The following METTL23 variants were observed in gnomAD, a reference collection of about 807,000 sequenced individuals.
The protein encoded by METTL23 is methyltransferase 23, arginine, also known as histone-arginine methyltransferase METTL23.
Under a neutral mutation model 21.2 loss-of-function variants are expected in METTL23, and 24 were observed. The observed-to-expected ratio is 1.13, with a 90% CI of 0.82 to 1.59. The LOEUF (loss-of-function observed/expected upper bound fraction) is 1.59. METTL23 is among the 40% of genes most tolerant of loss of function. The pLI is 0.00. For missense variants in METTL23, 276 were observed against 221.4 expected (o/e 1.25, Z -1.57); for synonymous variants, 97 against 75.2 (o/e 1.29, Z -1.50).
chr17:76,729,118 TCTCA>T (rs756175939), intron 1 of METTL23, among the ~76,000 whole-genome samples: 2 of 150,300 alleles, frequency 1.3e-5, no homozygotes, highest in African/African-American at 4.9e-5. Flanking sequence ...TGAAACGTAG[TCTCA>T]CTATGTTGCC....
upstream of METTL23, chr17:76,726,822 C>G (rs2076954766): frequency 2.6e-6 from 1 of 387,446 alleles, no homozygotes; most frequent in East Asian, 7.4e-5. Flanking sequence ...CCCTCCCGCG[C>G]TGCCGCTGTG....
At chr17:76,731,106 C>CA (rs999584690) in intron 2 of METTL23, among the ~76,000 whole-genome samples, 3,653 of 138,056 alleles carry the variant, frequency 0.026, 130 homozygotes, top group African/African-American at 0.083. Context: ...GACTCCATCT[C>CA]AAAAAAAAAA....
chr17:76,726,161 C>G (rs896275112), upstream of METTL23, among the ~76,000 whole-genome samples: 5 of 152,236 alleles, frequency 3.3e-5, no homozygotes, highest in African/African-American at 9.6e-5. Flanking sequence ...CGGGCGGCCA[C>G]AGCACGGGAG....
At chr17:76,728,238 A>AG (rs942628030) in intron 1 of METTL23, among the ~76,000 whole-genome samples, 1 of 144,170 alleles carries the variant, frequency 6.9e-6, no homozygotes, top group Non-Finnish European at 1.5e-5. Context: ...ATTGTCAAGA[A>AG]GAAAAAAAAA....
chr17:76,726,094 G>C (rs978521785), upstream of METTL23, among the ~76,000 whole-genome samples: 1 of 152,180 alleles, frequency 6.6e-6, no homozygotes, highest in Non-Finnish European at 1.5e-5. Flanking sequence ...CAGGGACGAC[G>C]GGCCTTCTAG....
chr17:76,726,269 G>C (rs1282568896), upstream of METTL23: 1 of 1,480,350 alleles, frequency 6.8e-7, no homozygotes, highest in East Asian at 2.7e-5. Flanking sequence ...GGCGAGGGCA[G>C]CCTCGGGCCC....
At chr17:76,731,625 CCTCA>C in intron 2 of METTL23, among the ~76,000 whole-genome samples, 1 of 152,202 alleles carries the variant, frequency 6.6e-6, no homozygotes, top group Admixed American at 6.5e-5. Flanking sequence ...CTCTTTCTAA[CCTCA>C]CTACCTGGCC....
Position 76,729,759 on chromosome 17 carries a change from C to T in METTL23, c.49C>T (p.His17Tyr). ...AVVLAQYLWF[H>Y]RRSLPGKAIL... ...GGTCCTGGCCCAGTACCTTTGGTTT[C>T]ACAGAAGATCTCTGCCAGGCAAGGC... is the stretch of plus-strand genomic sequence containing the variant. Residue 17 changes from histidine to tyrosine, a missense_variant, in exon 2 of 5, where the codon CAC becomes TAC. Coordinates refer to ENST00000341249, the MANE Select transcript of METTL23 (RefSeq NM_001080510.5). 1.3e-6 allele frequency: 2 copies of T among 1,598,442 alleles called. No homozygotes were observed. The highest frequency in any genetic ancestry group is 1.7e-6 in the Non-Finnish European group (2 of 1,171,250).
At position 76,729,742 on chromosome 17, in the gene METTL23, C is replaced by T; in HGVS notation, c.32C>T (p.Ala11Val). 1.9e-6 allele frequency: 3 copies of T among 1,600,040 alleles called. No individual in the cohort carries two copies. Among genetic ancestry groups the T allele is most frequent in the Non-Finnish European group, 2.6e-6 (3 of 1,172,158 alleles). Residue 11 changes from alanine (A) to valine (V), a missense_variant, in exon 2 of 5, where the codon GCC (alanine) becomes GTC (valine). Physicochemically the swap from Ala to Val is moderately conservative, Grantham distance 64 (BLOSUM62 0). Coordinates refer to ENST00000341249, the MANE Select transcript of METTL23 (RefSeq NM_001080510.5). Reference sequence around the variant, plus strand: ...GTTTGGCCCTGTGCTGTGGTCCTGGCCCAGTACCTTTGGTTTCACAGAAGA... The same window carrying T: ...GTTTGGCCCTGTGCTGTGGTCCTGGTCCAGTACCTTTGGTTTCACAGAAGA... MYVWPCAVVL[A>V]QYLWFHRRSL... is the part of the protein sequence containing the mutation.
intron 2 of METTL23, among the ~76,000 whole-genome samples, chr17:76,730,962 G>A (rs56317799): frequency 0.027 from 4,173 of 152,226 alleles, 204 homozygotes; most frequent in African/African-American, 0.094. Context: ...AAAATTAGCC[G>A]GGCCTGGTGG....
At chr17:76,726,221 G>A, upstream of METTL23, 1 of 1,279,524 alleles carries the variant, frequency 7.8e-7, no homozygotes, top group Non-Finnish European at 1.0e-6. Context: ...AAACTCCGCG[G>A]GGTGCGGGTG....
intron 2 of METTL23, among the ~76,000 whole-genome samples, chr17:76,730,543 G>A (rs2077158701): frequency 6.6e-6 from 1 of 152,230 alleles, no homozygotes; most frequent in African/African-American, 2.4e-5. Flanking sequence ...TGAAGCCCCT[G>A]AACTGCCTTC....
intron 2 of METTL23, 139 bp from the exon 3 acceptor site, chr17:76,732,839 G>T (rs1011532139): frequency 1.5e-6 from 1 of 687,442 alleles, no homozygotes; most frequent in Admixed American, 2.6e-5. Flanking sequence ...GTTCAGTTAC[G>T]GTACATTTTA....
In METTL23 at chr17:76,726,867, C is replaced by T. The variant is rs980618176; in HGVS notation, c.-333C>T. 4.5e-6 allele frequency: 2 copies of T among 440,574 alleles called. No individual in the cohort carries two copies. The highest frequency in any genetic ancestry group is 7.0e-5 in the East Asian group (1 of 14,186). The allele number at this position is 440,574 out of a possible 1,614,324, so 27.3% of individuals were successfully genotyped here. A position where few individuals can be genotyped will look rare whatever the true frequency, so the allele number is the denominator to read the frequency against. The stretch of plus-strand genomic sequence containing the variant: ...TCCGGTCGCGCCAGCCGCCCGTTGC[C>T]AGTTCTGCGCGTGTGAGTCTCTTTC... On this transcript the variant is annotated 5_prime_UTR_variant, in exon 1 of 5. Coordinates refer to ENST00000341249, the MANE Select transcript of METTL23 (RefSeq NM_001080510.5).
intron 2 of METTL23, among the ~76,000 whole-genome samples, chr17:76,730,999 G>C (rs576156538): frequency 6.6e-6 from 1 of 152,218 alleles, no homozygotes; most frequent in Non-Finnish European, 1.5e-5. Context: ...CAGCTACTCG[G>C]GAGGCTGAGG....
chr17:76,733,080 C>A lies in METTL23; in HGVS notation c.187C>A (p.Arg63=), dbSNP rs370752836. 1 of 1,609,808 alleles carries A rather than the reference C, an allele frequency of 6.2e-7. No individual in the cohort carries two copies. The highest frequency in any genetic ancestry group is 1.1e-5 in the South Asian group (1 of 90,270). Residue 63 remains arginine (R), a synonymous_variant, in exon 3 of 5, where the codon CGG becomes AGG. Coordinates refer to ENST00000341249, the MANE Select transcript of METTL23 (RefSeq NM_001080510.5). The stretch of plus-strand genomic sequence containing the variant: ...ACTGCCTCACTGTCTGGAAGTCTGT[C>A]GGCAAAGCTGCCAAATGAATAACCT... ...SELPHCLEVC[R]QSCQMNNLPH...
At chr17:76,730,918 A>C (rs1395851590) in intron 2 of METTL23, among the ~76,000 whole-genome samples, 1 of 152,152 alleles carries the variant, frequency 6.6e-6, no homozygotes, top group Non-Finnish European at 1.5e-5. Context: ...CCTGGCTAAC[A>C]CGGTGAAACC....
At chr17:76,729,664 A>T in intron 1 of METTL23, 26 bp from the exon 2 acceptor site, 1 of 1,444,974 alleles carries the variant, frequency 6.9e-7, no homozygotes, top group Non-Finnish European at 9.5e-7. Flanking sequence ...TAAATTATTT[A>T]TGGCACACAA....
rs1442146048 is a variant in METTL23 at position 76,729,697 on chromosome 17, A to T, written c.-14A>T. The T allele has an allele frequency of 6.3e-7, 1 of 1,580,810 alleles. No homozygotes were observed. The highest frequency in any genetic ancestry group is 8.6e-7 in the Non-Finnish European group (1 of 1,160,014). Reference sequence around the variant, plus strand: ...CAAAAACATTCTTTTCAGGTCCTGCATCTCCAGTATGGAATGTATGTTTGG... The same window carrying T: ...CAAAAACATTCTTTTCAGGTCCTGCTTCTCCAGTATGGAATGTATGTTTGG... On this transcript the variant is annotated 5_prime_UTR_variant, in exon 2 of 5. Transcript: ENST00000341249.
Sources: gnomAD v4.1 joint callset for allele counts (sites outside exome capture counted in the v4.1 genomes callset) on GRCh38, gnomAD v4.1.1 for gene constraint, MANE v1.5 for transcripts, NCBI Gene and HGNC (gene_info 2026-07-23, HGNC 2026-07-21) for gene names.